The following KCND2 variants were observed in gnomAD, a reference collection of about 807,000 sequenced individuals.
The protein encoded by KCND2 is A-type voltage-gated potassium channel KCND2.
KCND2 carries 16 observed loss-of-function variants against 54.4 expected under a neutral mutation model. That is an observed-to-expected ratio of 0.29 (90% CI 0.20 to 0.45). The LOEUF (loss-of-function observed/expected upper bound fraction) is 0.45, where lower values mean the gene tolerates loss of function less well. Ranked by LOEUF, KCND2 falls within the 20% of genes least tolerant of loss-of-function variation. The pLI, the probability that KCND2 is intolerant of heterozygous loss-of-function variation, is 1.00. For missense variants in KCND2, 486 were observed against 824.2 expected, an observed-to-expected ratio of 0.59 and a Z score of 5.02; for synonymous variants, 317 against 310.7, an observed-to-expected ratio of 1.02 and a Z score of -0.21.
intron 1 of KCND2, among the ~76,000 whole-genome samples, chr7:120,310,195 A>G (rs1013052333): frequency 6.6e-5 from 10 of 152,184 alleles, no homozygotes; most frequent in Non-Finnish European, 1.2e-4. Flanking sequence ...TAATTTTATA[A>G]TGAAATGCTT....
chr7:120,592,996 CT>C (rs1792690346), intron 1 of KCND2, among the ~76,000 whole-genome samples: 3 of 152,194 alleles, frequency 2.0e-5, no homozygotes, highest in Admixed American at 2.0e-4. Context: ...GTTGTCAAAA[CT>C]TACAGAGAAA....
rs539793325 is a variant in KCND2, at chr7:120,452,012, GA to G, written c.1115+176271del. ...CAGAAATCGATAACACATTTTTAAT[GA>G]AAAAATATTTTTAAATTTGATCACT... On this transcript the variant is annotated intron_variant, in intron 1 of 5. Transcript: ENST00000331113. Among the ~76,000 whole-genome samples the G allele has an allele frequency of 4.6e-5, 7 of 152,224 alleles. No homozygotes were observed. The East Asian group carries it at 1.2e-3, about 25-fold the overall frequency.
intron 1 of KCND2, among the ~76,000 whole-genome samples, chr7:120,425,829 A>G (rs992024480): frequency 2.6e-5 from 4 of 152,214 alleles, no homozygotes; most frequent in Admixed American, 2.6e-4. Flanking sequence ...GACCTTCTCA[A>G]TCATTTTGAC....
chr7:120,677,556 G>GATATAGATATAGATATAGATATATAT (rs1562906460), intron 1 of KCND2, among the ~76,000 whole-genome samples: 1 of 107,556 alleles, frequency 9.3e-6, no homozygotes, highest in Non-Finnish European at 1.9e-5. Context: ...TAGATATATA[G>GATATAGATATAGATATAGATATATAT]ATATATAGAT....
intron 1 of KCND2, among the ~76,000 whole-genome samples, chr7:120,625,717 G>A (rs1584859283): frequency 6.6e-6 from 1 of 152,066 alleles, no homozygotes; most frequent in Admixed American, 6.6e-5. Context: ...TGTGAAATCT[G>A]ACTGAAAAAT....
chr7:120,481,550 G>T (rs1802607505), intron 1 of KCND2, among the ~76,000 whole-genome samples: 1 of 152,140 alleles, frequency 6.6e-6, no homozygotes, highest in Non-Finnish European at 1.5e-5. Context: ...AGGCATTTTG[G>T]AGATCTTCTA....
At chr7:120,290,055 C>A (rs111901629) in intron 1 of KCND2, among the ~76,000 whole-genome samples, 6 of 152,142 alleles carry the variant, frequency 3.9e-5, no homozygotes, top group African/African-American at 1.2e-4. Context: ...CCTCAATATG[C>A]GTGCTGACAA....
At chr7:120,328,976 T>C (rs2116343854) in intron 1 of KCND2, among the ~76,000 whole-genome samples, 1 of 152,294 alleles carries the variant, frequency 6.6e-6, no homozygotes, top group African/African-American at 2.4e-5. Context: ...GTTCAATTGG[T>C]TACTTATTTG....
chr7:120,346,473 T>G (rs1030950162), intron 1 of KCND2, among the ~76,000 whole-genome samples: 1 of 152,148 alleles, frequency 6.6e-6, no homozygotes, highest in African/African-American at 2.4e-5. Flanking sequence ...ATGCTCATTT[T>G]GGCAAGGATA....
At chr7:120,479,760 C>T (rs1802576541) in intron 1 of KCND2, among the ~76,000 whole-genome samples, 1 of 132,372 alleles carries the variant, frequency 7.6e-6, no homozygotes, top group Non-Finnish European at 1.6e-5. Context: ...AAAACCCCAT[C>T]TCTAAATATA....
chr7:120,746,701 G>A (rs1464675029), intron 5 of KCND2: 3 of 152,632 alleles, frequency 2.0e-5, no homozygotes, highest in East Asian at 3.8e-4. Context: ...ATAAAAAGTT[G>A]TACATTTAAA....
At chr7:120,527,631 C>T (rs1299412354) in intron 1 of KCND2, among the ~76,000 whole-genome samples, 1 of 151,950 alleles carries the variant, frequency 6.6e-6, no homozygotes, top group African/African-American at 2.4e-5. Context: ...TCTATTACCT[C>T]TTTGTATATT....
intron 1 of KCND2, among the ~76,000 whole-genome samples, chr7:120,335,794 A>C (rs1035994096): frequency 1.1e-4 from 16 of 152,136 alleles, no homozygotes; most frequent in Non-Finnish European, 1.9e-4. Context: ...TGGCTTTTTT[A>C]AAGAAAAAAT....
At chr7:120,461,871 T>G (rs1802288804) in intron 1 of KCND2, among the ~76,000 whole-genome samples, 1 of 152,104 alleles carries the variant, frequency 6.6e-6, no homozygotes. Context: ...TGTGTATGCT[T>G]AGTAAATGCA....
At chr7:120,466,192 C>G (rs754459135) in intron 1 of KCND2, among the ~76,000 whole-genome samples, 11 of 152,138 alleles carry the variant, frequency 7.2e-5, no homozygotes, top group Non-Finnish European at 1.0e-4. Flanking sequence ...AACCACTGCT[C>G]TATAAGATGC....
intron 1 of KCND2, among the ~76,000 whole-genome samples, chr7:120,556,624 A>G (rs1327727008): frequency 6.6e-6 from 1 of 152,120 alleles, no homozygotes; most frequent in Non-Finnish European, 1.5e-5. Flanking sequence ...ATAGTGCTTT[A>G]CTCACTATGA....
Position 120,522,909 on chromosome 7 carries a change from A to G in KCND2, c.1116-209994A>G, listed in dbSNP as rs558477241. Among the ~76,000 whole-genome samples, 104 of 152,294 alleles carry G rather than the reference A, an allele frequency of 6.8e-4. 2 individuals are homozygous for G. In the Middle Eastern group the frequency reaches 0.01, roughly 15 times the overall value. On this transcript the variant is annotated intron_variant, in intron 1 of 5. Transcript: ENST00000331113. ...GATTCCTTGCATTCTGTCAATTTTC[A>G]GTAATGCCTTTGCCTTCGTTACTTA...
chr7:120,538,385 T>C (rs1791937795), intron 1 of KCND2, among the ~76,000 whole-genome samples: 1 of 152,210 alleles, frequency 6.6e-6, no homozygotes, highest in African/African-American at 2.4e-5. Context: ...TTAAAATTTA[T>C]AATGTCACAT....
chr7:120,648,570 G>A (rs1562898112), intron 1 of KCND2, among the ~76,000 whole-genome samples: 3 of 152,132 alleles, frequency 2.0e-5, no homozygotes, highest in African/African-American at 2.4e-5. Context: ...AGGTGAGCAG[G>A]CAAAGAAGTG....
Sources: allele counts gnomAD v4.1 joint callset (sites outside exome capture counted in the v4.1 genomes callset), GRCh38; gene constraint gnomAD v4.1.1; transcripts MANE v1.5; gene names NCBI Gene and HGNC (gene_info 2026-07-23, HGNC 2026-07-21).